SEPTIN7: variants seen among roughly 807,000 people sequenced by gnomAD.
The protein encoded by SEPTIN7 is septin 7.
SEPTIN7 carries 10 observed loss-of-function variants against 63.3 expected under a neutral mutation model. The observed-to-expected ratio is 0.16, with a 90% CI of 0.10 to 0.27. The LOEUF is 0.27. Ranked by LOEUF, SEPTIN7 falls within the 10% of genes least tolerant of loss-of-function variation. SEPTIN7 has a pLI of 1.00. For synonymous variants in SEPTIN7, 131 were observed against 165.3 expected (o/e 0.79, Z 1.59); for missense variants, 310 against 521.0 (o/e 0.59, Z 3.94).
chr7:35,885,855 C>T lies in SEPTIN7; in HGVS notation c.848C>T (p.Thr283Ile), dbSNP rs1787205810. ...EVENGEHCDF[T>I]ILRNMLIRTH... The stretch of plus-strand genomic sequence containing the variant: ...GAAAATGGTGAACATTGTGATTTTA[C>T]AATCCTAAGAAATATGTTGATAAGG... Residue 283 changes from threonine (T) to isoleucine (I), a missense_variant, in exon 10 of 14, where the codon ACA (threonine) becomes ATA (isoleucine). Physicochemically the swap from Thr to Ile is moderately conservative, Grantham distance 89. Coordinates refer to ENST00000350320, the MANE Select transcript of SEPTIN7 (RefSeq NM_001788.6). 1 of 1,605,194 alleles carries T rather than the reference C, an allele frequency of 6.2e-7. No individual in the cohort carries two copies. The highest frequency in any genetic ancestry group is 8.5e-7 in the Non-Finnish European group (1 of 1,173,712).
Position 35,890,570 on chromosome 7 carries a change from T to C in SEPTIN7, c.873-98T>C. 3.7e-6 allele frequency: 4 copies of C among 1,081,420 alleles called. No individual in the cohort carries two copies. In the South Asian group the frequency reaches 1.0e-4, roughly 28 times the overall value. 67.0% of individuals were successfully genotyped at this position (1,081,420 alleles called of 1,614,324 possible). A position where few individuals can be genotyped will look rare whatever the true frequency, so the allele number is the denominator to read the frequency against. ...TTTTGTTCATTTTAAATCTGAAATT[T>C]TTGTTTTGGTAAAATTTTGAATTCA... On this transcript the variant is annotated intron_variant, in intron 10 of 13. Coordinates refer to ENST00000350320, the MANE Select transcript of SEPTIN7 (RefSeq NM_001788.6).
chr7:35,801,291 C>T, intron 1 of SEPTIN7, 21 bp downstream of exon 1: 1 of 1,502,884 alleles, frequency 6.7e-7, no homozygotes, highest in South Asian at 1.2e-5. Context: ...GCTTCGGGTG[C>T]CGCGACTTGG....
At chr7:35,870,267 A>G (rs1786065406) in intron 4 of SEPTIN7, among the ~76,000 whole-genome samples, 2 of 152,226 alleles carry the variant, frequency 1.3e-5, no homozygotes, top group Non-Finnish European at 2.9e-5. Context: ...TCAATAAGTA[A>G]TTAAGTTGTT....
intron 1 of SEPTIN7, among the ~76,000 whole-genome samples, chr7:35,812,983 G>C (rs1430370764): frequency 1.3e-5 from 2 of 152,126 alleles, no homozygotes; most frequent in Non-Finnish European, 2.9e-5. Context: ...TTATAGCCAG[G>C]TTTGGGAATA....
intron 1 of SEPTIN7, among the ~76,000 whole-genome samples, chr7:35,802,972 A>T (rs1788094195): frequency 6.6e-6 from 1 of 152,218 alleles, no homozygotes; most frequent in South Asian, 2.1e-4. Flanking sequence ...TTATTCTATG[A>T]TGGGACAACA....
intron 3 of SEPTIN7, among the ~76,000 whole-genome samples, chr7:35,860,486 A>G (rs1342945005): frequency 1.3e-5 from 2 of 152,186 alleles, no homozygotes; most frequent in Admixed American, 1.3e-4. Context: ...GAGTCCTTCT[A>G]TTTCAACCTG....
At chr7:35,834,264 T>C (rs1783974372) in intron 3 of SEPTIN7, among the ~76,000 whole-genome samples, 2 of 152,006 alleles carry the variant, frequency 1.3e-5, no homozygotes, top group Admixed American at 1.3e-4. Flanking sequence ...ACTGTAACAA[T>C]TAAAAAAATT....
chr7:35,832,524 T>C, intron 2 of SEPTIN7: 1 of 309,648 alleles, frequency 3.2e-6, no homozygotes, highest in Non-Finnish European at 6.2e-6. Context: ...CTAACTACTG[T>C]CAATTGAAAT....
intron 9 of SEPTIN7, 76 bp downstream of exon 9, chr7:35,884,063 A>G (rs1787070992): frequency 1.2e-6 from 1 of 825,850 alleles, no homozygotes; most frequent in African/African-American, 1.7e-5. Context: ...AGTAAGTAGT[A>G]CAGTATGCAC....
At chr7:35,860,345 C>T (rs949348488) in intron 3 of SEPTIN7, among the ~76,000 whole-genome samples, 2 of 152,022 alleles carry the variant, frequency 1.3e-5, no homozygotes, top group Admixed American at 6.6e-5. Flanking sequence ...ATGCATTCGC[C>T]TTTAAAAACT....
intron 3 of SEPTIN7, among the ~76,000 whole-genome samples, chr7:35,859,797 G>A (rs1785405470): frequency 1.3e-5 from 2 of 152,034 alleles, no homozygotes; most frequent in Non-Finnish European, 2.9e-5. Flanking sequence ...TATTAGTGTG[G>A]CTTCTCTACC....
chr7:35,854,186 G>A (rs1785089750), intron 3 of SEPTIN7, among the ~76,000 whole-genome samples: 1 of 152,238 alleles, frequency 6.6e-6, no homozygotes, highest in South Asian at 2.1e-4. Context: ...CTGGTCCCAA[G>A]CATTTTGGAT....
intron 10 of SEPTIN7, chr7:35,888,918 A>C: frequency 6.8e-6 from 2 of 292,176 alleles, no homozygotes; most frequent in South Asian, 3.0e-5. Context: ...ACTTAGAGAA[A>C]CTGGTTCCAA....
At chr7:35,883,200 AAACC>A (rs756688325) in intron 8 of SEPTIN7, among the ~76,000 whole-genome samples, 141 of 152,280 alleles carry the variant, frequency 9.3e-4, no homozygotes, top group Non-Finnish European at 1.8e-3. Flanking sequence ...AAAACAATAA[AAACC>A]AACCAAAAAT....
chr7:35,813,479 G>T (rs1788864718), intron 1 of SEPTIN7, among the ~76,000 whole-genome samples: 1 of 151,856 alleles, frequency 6.6e-6, no homozygotes, highest in Admixed American at 6.6e-5. Context: ...TTCTCTCCTG[G>T]GTTCAGCTGC....
intron 6 of SEPTIN7, among the ~76,000 whole-genome samples, chr7:35,877,595 A>G (rs899373663): frequency 6.6e-6 from 1 of 152,230 alleles, no homozygotes; most frequent in South Asian, 2.1e-4. Flanking sequence ...TTAGAATGGT[A>G]GTCCTTTGCA....
At chr7:35,818,387 G>A (rs12537963) in intron 1 of SEPTIN7, among the ~76,000 whole-genome samples, 3 of 151,912 alleles carry the variant, frequency 2.0e-5, no homozygotes, top group African/African-American at 7.2e-5. Flanking sequence ...CTTTGTTGAT[G>A]TTTTTTTCCA....
intron 1 of SEPTIN7, among the ~76,000 whole-genome samples, chr7:35,816,668 A>T (rs1789090351): frequency 6.6e-6 from 1 of 152,194 alleles, no homozygotes; most frequent in Admixed American, 6.5e-5. Flanking sequence ...CTGCCGAAGC[A>T]GCTGCCTTAT....
At chr7:35,830,143 A>T (rs1379106455) in intron 1 of SEPTIN7, among the ~76,000 whole-genome samples, 1 of 152,030 alleles carries the variant, frequency 6.6e-6, no homozygotes, top group Non-Finnish European at 1.5e-5. Context: ...AGATCGCGCC[A>T]CTGCCCCCCA....
Sources: allele counts gnomAD v4.1 joint callset (sites outside exome capture counted in the v4.1 genomes callset), GRCh38; gene constraint gnomAD v4.1.1; transcripts MANE v1.5; gene names NCBI Gene and HGNC (gene_info 2026-07-23, HGNC 2026-07-21).